RAD51AP1: variants seen among roughly 807,000 people sequenced by gnomAD.
RAD51AP1 encodes RAD51 associated protein 1.
In RAD51AP1, 14 loss-of-function variants were observed where a neutral mutation model predicts 34.3. That is an observed-to-expected ratio of 0.41 (90% CI 0.27 to 0.64). The LOEUF (loss-of-function observed/expected upper bound fraction) is 0.64. RAD51AP1 is among the 30% of genes least tolerant of loss of function. The probability of loss-of-function intolerance (pLI) is 0.33; values close to 1 mark genes in which losing one functional copy is unlikely to be tolerated. For missense variants in RAD51AP1, 348 were observed against 386.9 expected (o/e 0.90, Z 0.84); for synonymous variants, 114 against 129.8 (o/e 0.88, Z 0.83).
At chr12:4,550,205 C>T (rs1403347540) in intron 6 of RAD51AP1, among the ~76,000 whole-genome samples, 1 of 152,188 alleles carries the variant, frequency 6.6e-6, no homozygotes, top group Non-Finnish European at 1.5e-5. Context: ...ATTGCTTTCT[C>T]AATTGACTGA....
At chr12:4,543,234 A>AT (rs1168822734) in intron 2 of RAD51AP1, among the ~76,000 whole-genome samples, 11 of 151,786 alleles carry the variant, frequency 7.2e-5, no homozygotes, top group Admixed American at 4.6e-4. Context: ...TAATTTTTGT[A>AT]TTTTTTAGTA....
Position 4,559,194 on chromosome 12 carries a change from T to A in RAD51AP1, c.*201T>A, listed in dbSNP as rs1944604020. The A allele has an allele frequency of 1.8e-6, 1 of 566,734 alleles. No individual in the cohort carries two copies. The highest frequency in any genetic ancestry group is 3.0e-6 in the Non-Finnish European group (1 of 338,456). 35.1% of individuals were successfully genotyped at this position (566,734 alleles called of 1,614,324 possible). ...TCAATGAGAAGTTTGTTTATAAGAA[T>A]TATCTTCTCATACCTTTCCTTGTGA... On this transcript the variant is annotated 3_prime_UTR_variant, in exon 9 of 9. Transcript: ENST00000352618.
intron 3 of RAD51AP1, chr12:4,545,925 A>T (rs564635524): frequency 7.0e-7 from 1 of 1,433,772 alleles, no homozygotes; most frequent in Non-Finnish European, 9.6e-7. Flanking sequence ...AAGAGCTATA[A>T]AATCTGCTAA....
At chr12:4,547,373 T>A (rs2137260720) in intron 4 of RAD51AP1, among the ~76,000 whole-genome samples, 1 of 152,264 alleles carries the variant, frequency 6.6e-6, no homozygotes, top group Middle Eastern at 3.4e-3. Flanking sequence ...TGCCTCCTCT[T>A]TAAAAAGAAA....
At chr12:4,554,163 A>T (rs1025471087) in intron 7 of RAD51AP1, among the ~76,000 whole-genome samples, 2 of 152,104 alleles carry the variant, frequency 1.3e-5, no homozygotes, top group African/African-American at 4.8e-5. Flanking sequence ...TCCTTTGTGG[A>T]GGCTCTAGGA....
chr12:4,548,948 C>G, intron 6 of RAD51AP1, 112 bp downstream of exon 6: 1 of 1,142,812 alleles, frequency 8.8e-7, no homozygotes, highest in Non-Finnish European at 1.2e-6. Flanking sequence ...GTGCAAACTT[C>G]AGGGACACAC....
At chr12:4,546,495 C>A in intron 4 of RAD51AP1, 77 bp downstream of exon 4, 1 of 982,248 alleles carries the variant, frequency 1.0e-6, no homozygotes, top group Non-Finnish European at 1.6e-6. Flanking sequence ...TGGGCCTTCA[C>A]AGAGGAAACA....
intron 3 of RAD51AP1, among the ~76,000 whole-genome samples, chr12:4,544,203 T>C (rs2137249958): frequency 6.6e-6 from 1 of 152,322 alleles, no homozygotes; most frequent in African/African-American, 2.4e-5. Flanking sequence ...CATACGAGAC[T>C]ACTTTGTTAA....
chr12:4,558,847 T>G lies in RAD51AP1; in HGVS notation c.872-10T>G. The G allele has an allele frequency of 6.2e-7, 1 of 1,608,558 alleles. No individual in the cohort carries two copies. Among genetic ancestry groups the G allele is most frequent in the Non-Finnish European group, 8.5e-7 (1 of 1,175,318 alleles). ...ACATCATCAGCATCACATCATATGT[T>G]TCCTTTCAGCGGCATCTGGAGGTAG... On this transcript the variant is annotated splice_polypyrimidine_tract_variant and intron_variant, in intron 8 of 8. Coordinates refer to ENST00000352618, the MANE Select transcript of RAD51AP1 (RefSeq NM_006479.5).
intron 6 of RAD51AP1, among the ~76,000 whole-genome samples, chr12:4,552,492 A>C (rs1944553535): frequency 1.3e-5 from 2 of 152,200 alleles, no homozygotes; most frequent in African/African-American, 4.8e-5. Context: ...AGAATGTTGA[A>C]GTTTATGTGA....
In RAD51AP1 at chr12:4,544,729, A is replaced by G. The variant is rs74448982; in HGVS notation, c.209+825A>G. Among the ~76,000 whole-genome samples, 731 of 152,316 alleles carry G rather than the reference A, an allele frequency of 4.8e-3. 10 individuals are homozygous for G. Among genetic ancestry groups the G allele is most frequent in the African/African-American group, 0.017 (699 of 41,570 alleles). Reference sequence around the variant, plus strand: ...CCAGAGTATACACAGAACTCGTAAAACTCAACAGTAAAAAGACTAACAACA... The same window carrying G: ...CCAGAGTATACACAGAACTCGTAAAGCTCAACAGTAAAAAGACTAACAACA... On this transcript the variant is annotated intron_variant, in intron 3 of 8. Transcript: ENST00000352618.
Position 4,556,657 on chromosome 12 carries a change from A to G in RAD51AP1, c.871+155A>G. On this transcript the variant is annotated intron_variant, in intron 8 of 8. Transcript: ENST00000352618. ...GTTGCTGCATATATTCATTTATTTAACCATTCCTTATTATTGGACATCCAG... is the reference window on the plus strand; with the variant it reads ...GTTGCTGCATATATTCATTTATTTAGCCATTCCTTATTATTGGACATCCAG... 3.8e-6 allele frequency: 3 copies of G among 788,990 alleles called. 1 individual carries two copies. The South Asian group carries it at 6.5e-5, about 17-fold the overall frequency. The allele number at this position is 788,990 out of a possible 1,614,324, so 48.9% of individuals were successfully genotyped here.
At chr12:4,551,897 G>A (rs1376339520) in intron 6 of RAD51AP1, among the ~76,000 whole-genome samples, 2 of 152,132 alleles carry the variant, frequency 1.3e-5, no homozygotes, top group Non-Finnish European at 2.9e-5. Context: ...GAATCTGAGT[G>A]GTGGTTTATT....
intron 7 of RAD51AP1, 103 bp downstream of exon 7, chr12:4,553,250 C>A: frequency 9.8e-7 from 1 of 1,019,570 alleles, no homozygotes; most frequent in Non-Finnish European, 1.4e-6. Flanking sequence ...ATTTTCCTAA[C>A]GTCCATTTCT....
At chr12:4,551,494 CA>C (rs1180432401) in intron 6 of RAD51AP1, among the ~76,000 whole-genome samples, 1,977 of 79,308 alleles carry the variant, frequency 0.025, 40 homozygotes, top group African/African-American at 0.079. Flanking sequence ...GGCTCCATCT[CA>C]AAAAAAAAAA....
Position 4,541,929 on chromosome 12 carries a change from T to C in RAD51AP1, c.63T>C (p.Ser21=), listed in dbSNP as rs1944469475. 2.0e-6 allele frequency: 3 copies of C among 1,515,932 alleles called. No individual in the cohort carries two copies. The South Asian group carries it at 4.1e-5, about 21-fold the overall frequency. 93.9% of individuals were successfully genotyped at this position (1,515,932 alleles called of 1,614,324 possible). A position where few individuals can be genotyped will look rare whatever the true frequency, so the allele number is the denominator to read the frequency against. Residue 21 remains serine, a synonymous_variant, in exon 2 of 9, where the codon AGT becomes AGC. Coordinates refer to ENST00000352618, the MANE Select transcript of RAD51AP1 (RefSeq NM_006479.5). ...ACTCACAGTTTGACCACTCTGACAG[T>C]GATGGTAAGTAAAGCTTCTTATTTT... The part of the protein sequence containing the change: ...VNYSQFDHSD[S]DDDFVSATVP...
At chr12:4,547,355 T>G (rs1266835076) in intron 4 of RAD51AP1, among the ~76,000 whole-genome samples, 2 of 152,204 alleles carry the variant, frequency 1.3e-5, no homozygotes, top group Non-Finnish European at 2.9e-5. Context: ...AGAGCCACCT[T>G]ATCTGGCTGC....
intron 2 of RAD51AP1, 88 bp downstream of exon 2, chr12:4,542,021 A>G (rs1944470190): frequency 1.4e-6 from 1 of 734,622 alleles, no homozygotes; most frequent in Non-Finnish European, 2.1e-6. Flanking sequence ...AACACTGACT[A>G]AATTGCCCAA....
rs1381802825 is a variant in RAD51AP1 at position 4,543,806 on chromosome 12, A to G, written c.111A>G (p.Arg37=). 1 of 1,612,256 alleles carries G rather than the reference A, an allele frequency of 6.2e-7. No homozygotes were observed. Among genetic ancestry groups the G allele is most frequent in the South Asian group, 1.1e-5 (1 of 90,882 alleles). Residue 37 remains arginine, a synonymous_variant, in exon 3 of 9, where the codon AGA becomes AGG. Coordinates refer to ENST00000352618, the MANE Select transcript of RAD51AP1 (RefSeq NM_006479.5). ...CTGTACCTTTAAACAAGAAATCCAGAACAGCACCAAAGGAGTTAAAACAAG... is the reference window on the plus strand; with the variant it reads ...CTGTACCTTTAAACAAGAAATCCAGGACAGCACCAAAGGAGTTAAAACAAG... The part of the protein sequence containing the change: ...SATVPLNKKS[R]TAPKELKQDK...
Sources: allele counts gnomAD v4.1 joint callset (sites outside exome capture counted in the v4.1 genomes callset), GRCh38; gene constraint gnomAD v4.1.1; transcripts MANE v1.5; gene names NCBI Gene and HGNC (gene_info 2026-07-23, HGNC 2026-07-21).